Variants in ARHGEF3 observed in about 807,000 individuals in gnomAD.
ARHGEF3 encodes the protein 59.8 kDA protein.
ARHGEF3 carries 28 observed loss-of-function variants against 63.2 expected under a neutral mutation model. That is an observed-to-expected ratio of 0.44 (90% CI 0.33 to 0.61). ARHGEF3 has a LOEUF of 0.61. Ranked by LOEUF, ARHGEF3 falls within the 20% of genes least tolerant of loss-of-function variation. The pLI is 0.03. For missense variants in ARHGEF3, 533 were observed against 659.3 expected (o/e 0.81, Z 2.10); for synonymous variants, 266 against 254.2 (o/e 1.05, Z -0.44).
chr3:56,957,699 G>A (rs981957209), intron 3 of ARHGEF3, among the ~76,000 whole-genome samples: 1 of 152,188 alleles, frequency 6.6e-6, no homozygotes, highest in Admixed American at 6.5e-5. Flanking sequence ...CCAAGAGGAG[G>A]TGATGTCAAG....
At chr3:56,830,437 C>A (rs529917231) in intron 4 of ARHGEF3, among the ~76,000 whole-genome samples, 65 of 151,326 alleles carry the variant, frequency 4.3e-4, no homozygotes, top group African/African-American at 1.4e-3. Context: ...CCAGCCTAAA[C>A]TGTCATCATC....
intron 1 of ARHGEF3, among the ~76,000 whole-genome samples, chr3:57,059,748 G>A (rs557720228): frequency 1.4e-4 from 22 of 152,276 alleles, no homozygotes; most frequent in African/African-American, 5.1e-4. Context: ...TGTAATCACA[G>A]CACTTTGGGA....
intron 2 of ARHGEF3, among the ~76,000 whole-genome samples, chr3:57,024,581 G>A (rs1005494883): frequency 7.2e-5 from 11 of 152,150 alleles, no homozygotes; most frequent in East Asian, 5.8e-4. Context: ...GCTGCCTCCC[G>A]GGTTCACGCC....
chr3:56,992,375 TAAAAAAAAAAA>T lies in ARHGEF3; in HGVS notation c.63-33497_63-33487del, dbSNP rs57740672. Among the ~76,000 whole-genome samples the T allele has an allele frequency of 6.7e-3, 311 of 46,104 alleles. 2 individuals carry two copies. The highest frequency in any genetic ancestry group is 9.4e-3 in the African/African-American group (184 of 19,648). The allele number at this position is 46,104 out of a possible 152,430, so 30.2% of individuals were successfully genotyped here. On this transcript the variant is annotated intron_variant, in intron 2 of 12. Transcript: ENST00000338458. Reference sequence around the variant, plus strand: ...GGTCCTATGGTAGGGAGGATGGCTTTAAAAAAAAAAAAAAAAAAAAAAAAAAAAAAAAAAAA... The same window carrying T: ...GGTCCTATGGTAGGGAGGATGGCTTTAAAAAAAAAAAAAAAAAAAAAAAAA...
intron 3 of ARHGEF3, among the ~76,000 whole-genome samples, chr3:56,893,075 G>T (rs72870535): frequency 0.045 from 6,797 of 152,294 alleles, 508 homozygotes; most frequent in African/African-American, 0.15. Flanking sequence ...ATTTGGTGTT[G>T]TCTACCATAT....
intron 8 of ARHGEF3, among the ~76,000 whole-genome samples, chr3:56,734,524 T>TCA (rs1472903380): frequency 6.6e-6 from 1 of 152,174 alleles, no homozygotes; most frequent in Admixed American, 6.5e-5. Flanking sequence ...AAGCCTATTC[T>TCA]CAGCACCATG....
intron 4 of ARHGEF3, among the ~76,000 whole-genome samples, chr3:56,866,769 A>G (rs2040263283): frequency 6.6e-6 from 1 of 152,246 alleles, no homozygotes; most frequent in Non-Finnish European, 1.5e-5. Flanking sequence ...GGTGGGCACC[A>G]GGCATAGTGT....
At chr3:56,979,195 A>T (rs1343368960) in intron 2 of ARHGEF3, among the ~76,000 whole-genome samples, 1 of 152,188 alleles carries the variant, frequency 6.6e-6, no homozygotes, top group Non-Finnish European at 1.5e-5. Flanking sequence ...CATATCCAAT[A>T]AGGTAGCAGC....
intron 2 of ARHGEF3, among the ~76,000 whole-genome samples, chr3:57,007,534 T>G (rs1301349333): frequency 2.0e-5 from 3 of 152,308 alleles, no homozygotes; most frequent in Admixed American, 6.5e-5. Context: ...GATGGATGCT[T>G]TGACCCGAAC....
chr3:56,923,793 A>T (rs2042212333), intron 3 of ARHGEF3, among the ~76,000 whole-genome samples: 1 of 152,208 alleles, frequency 6.6e-6, no homozygotes, highest in Admixed American at 6.5e-5. Context: ...TGTGTACATG[A>T]AGAATTGGTA....
intron 2 of ARHGEF3, among the ~76,000 whole-genome samples, chr3:57,030,850 T>C (rs1703701647): frequency 6.6e-6 from 1 of 152,240 alleles, no homozygotes; most frequent in Admixed American, 6.5e-5. Context: ...AAGAAATTAC[T>C]GCTCAGTCAA....
intron 3 of ARHGEF3, among the ~76,000 whole-genome samples, chr3:56,929,194 C>G (rs1560058722): frequency 6.6e-6 from 1 of 152,122 alleles, no homozygotes; most frequent in Non-Finnish European, 1.5e-5. Context: ...AGTTTTTAAC[C>G]CTGACTGTGG....
intron 2 of ARHGEF3, among the ~76,000 whole-genome samples, chr3:57,013,724 G>T (rs1262747772): frequency 6.6e-6 from 1 of 152,172 alleles, no homozygotes; most frequent in South Asian, 2.1e-4. Flanking sequence ...TTTGTGTCTA[G>T]CTAAAAGATT....
chr3:57,073,718 T>C (rs767097625), intron 1 of ARHGEF3: 1 of 1,614,116 alleles, frequency 6.2e-7, no homozygotes, highest in South Asian at 1.1e-5. Flanking sequence ...CTCTGACTTG[T>C]GGGTCCACCT....
rs558943485 is a variant in ARHGEF3, at chr3:57,000,551, T to C, written c.62+34537A>G. ...TTATTATTATTTGTGTGCATGTGTG[T>C]GAGACGGAGTCTCACTCTGTCGCCC... On this transcript the variant is annotated intron_variant, in intron 2 of 12. Coordinates refer to the ARHGEF3 transcript ENST00000338458. Among the ~76,000 whole-genome samples, 238 of 152,258 alleles carry C rather than the reference T, an allele frequency of 1.6e-3. 2 individuals are homozygous for C. The South Asian group carries it at 0.025, about 16-fold the overall frequency.
rs192713524 is a variant in ARHGEF3, at chr3:57,010,058, C to T, written c.62+25030G>A. 3.3e-3 allele frequency among the ~76,000 whole-genome samples: 502 copies of T among 152,270 alleles called. 1 individual carries two copies. Among genetic ancestry groups the T allele is most frequent in the Non-Finnish European group, 5.3e-3 (363 of 68,020 alleles). On this transcript the variant is annotated intron_variant, in intron 2 of 12. Coordinates refer to the ARHGEF3 transcript ENST00000338458. ...TGAGCCCGGGCTTCTGACCTCAGGG[C>T]TTTCTCCTGTCTCTTTTTAACATGC...
chr3:57,011,763 A>G (rs532629566), intron 2 of ARHGEF3, among the ~76,000 whole-genome samples: 4 of 152,080 alleles, frequency 2.6e-5, no homozygotes, highest in African/African-American at 9.7e-5. Context: ...GGAGATAATC[A>G]CTCCCAATCC....
chr3:56,924,087 G>A (rs1289590715), intron 3 of ARHGEF3, among the ~76,000 whole-genome samples: 2 of 152,202 alleles, frequency 1.3e-5, no homozygotes, highest in Non-Finnish European at 2.9e-5. Context: ...TAAGCCCCAC[G>A]TGGCTGTAAC....
chr3:56,926,512 G>A (rs933849162), intron 3 of ARHGEF3, among the ~76,000 whole-genome samples: 1 of 152,246 alleles, frequency 6.6e-6, no homozygotes, highest in African/African-American at 2.4e-5. Flanking sequence ...TATATTTGCT[G>A]AAAGCCAGGA....
Sources: gnomAD v4.1 joint callset for allele counts (sites outside exome capture counted in the v4.1 genomes callset) on GRCh38, gnomAD v4.1.1 for gene constraint, MANE v1.5 for transcripts, NCBI Gene and HGNC (gene_info 2026-07-23, HGNC 2026-07-21) for gene names.